The following ATP12A variants were observed in gnomAD, a reference collection of about 807,000 sequenced individuals.
ATP12A encodes ATPase H+/K+ transporting non-gastric alpha2 subunit.
In ATP12A, 81 loss-of-function variants were observed where a neutral mutation model predicts 111.2. The ratio of observed to expected loss-of-function variants is 0.73; its 90% CI spans 0.61 to 0.88. ATP12A has a LOEUF of 0.88. Ranked by LOEUF, ATP12A falls within the 40% of genes least tolerant of loss-of-function variation. ATP12A has a pLI of 0.00. For missense variants in ATP12A, 1,196 were observed against 1,313.1 expected (o/e 0.91, Z 1.38); for synonymous variants, 498 against 499.8 (o/e 1.00, Z 0.05).
At chr13:24,701,846 C>T in intron 13 of ATP12A, 89 bp from the exon 14 acceptor site, 2 of 1,533,164 alleles carry the variant, frequency 1.3e-6, no homozygotes, top group Non-Finnish European at 1.8e-6. Flanking sequence ...TCTCCCAGGG[C>T]ACTACAGAGT....
intron 14 of ATP12A, among the ~76,000 whole-genome samples, chr13:24,702,805 T>C (rs1170467490): frequency 6.6e-6 from 1 of 152,192 alleles, no homozygotes; most frequent in Non-Finnish European, 1.5e-5. Flanking sequence ...AACAATGATG[T>C]GGCCAGTGTA....
chr13:24,690,704 C>T lies in ATP12A; in HGVS notation c.782C>T (p.Ser261Phe), dbSNP rs779271764. 1.2e-6 allele frequency: 2 copies of T among 1,613,624 alleles called. No homozygotes were observed. Among genetic ancestry groups the T allele is most frequent in the South Asian group, 1.1e-5 (1 of 91,010 alleles). The change falls in exon 7 of 23, where the codon TCC becomes TTC. Residue 261 changes from serine to phenylalanine, a missense_variant. By Grantham distance (155) the Ser-to-Phe change is radical. This residue lies in a region of ATP12A where 1,126 missense variants were observed against 1,228.5 expected (regional missense o/e 0.92). Coordinates refer to ENST00000381946, the MANE Select transcript of ATP12A (RefSeq NM_001676.7). ...PLETKNICFYSTTCLEGTVTG... is the reference protein window; with the variant it reads ...PLETKNICFYFTTCLEGTVTG... ...GAAACAAAGAACATCTGCTTCTATTCCACAACGTGTCTGGAAGGTAAAAGG... is the reference window on the plus strand; with the variant it reads ...GAAACAAAGAACATCTGCTTCTATTTCACAACGTGTCTGGAAGGTAAAAGG...
intron 5 of ATP12A, among the ~76,000 whole-genome samples, chr13:24,690,110 G>C (rs759710761): frequency 6.6e-6 from 1 of 152,068 alleles, no homozygotes; most frequent in Non-Finnish European, 1.5e-5. Flanking sequence ...TTCAGGCCTC[G>C]GGTGAAGCAG....
chr13:24,694,083 C>T (rs1335784715), intron 10 of ATP12A, among the ~76,000 whole-genome samples: 2 of 152,192 alleles, frequency 1.3e-5, no homozygotes, highest in East Asian at 3.8e-4. Context: ...TCCGCTTGTA[C>T]CTTGAACACT....
At chr13:24,707,228 G>A in intron 16 of ATP12A, 37 bp downstream of exon 16, 1 of 1,613,632 alleles carries the variant, frequency 6.2e-7, no homozygotes, top group Non-Finnish European at 8.5e-7. Flanking sequence ...AAGGGCCAGG[G>A]TGGTCTGGGG....
intron 14 of ATP12A, among the ~76,000 whole-genome samples, chr13:24,705,247 G>A (rs961847843): frequency 2.0e-5 from 3 of 152,214 alleles, no homozygotes; most frequent in African/African-American, 4.8e-5. Context: ...GTCAGGGAGC[G>A]AGACCCGTGA....
At chr13:24,684,624 A>T (rs1874602406) in intron 2 of ATP12A, among the ~76,000 whole-genome samples, 1 of 152,212 alleles carries the variant, frequency 6.6e-6, no homozygotes, top group Non-Finnish European at 1.5e-5. Context: ...TGGTTACCAC[A>T]ACTGAGGGGA....
At chr13:24,706,947 G>C in intron 15 of ATP12A, 76 bp from the exon 16 acceptor site, 1 of 1,465,170 alleles carries the variant, frequency 6.8e-7, no homozygotes, top group Non-Finnish European at 9.2e-7. Flanking sequence ...AGAAAGGGAA[G>C]TCTTGTTGCT....
At position 24,681,555 on chromosome 13, in the gene ATP12A, C is replaced by T. The variant is rs751221576; in HGVS notation, c.10-7C>T. ...GGGCCAATATTGCACCTGGGCTTCT[C>T]TTTCAGAAAACCCCAGAAATTTACT... On this transcript the variant is annotated splice_region_variant and splice_polypyrimidine_tract_variant and intron_variant, in intron 1 of 22. Coordinates refer to ENST00000381946, the MANE Select transcript of ATP12A (RefSeq NM_001676.7). 1.2e-6 allele frequency: 2 copies of T among 1,608,870 alleles called. No homozygotes were observed. The highest frequency in any genetic ancestry group is 1.7e-6 in the Non-Finnish European group (2 of 1,178,690).
At chr13:24,682,129 G>A (rs1416025145) in intron 2 of ATP12A, among the ~76,000 whole-genome samples, 2 of 130,248 alleles carry the variant, frequency 1.5e-5, no homozygotes, top group Admixed American at 7.7e-5. Flanking sequence ...GTGTGTGTGT[G>A]TGGTGTGTAT....
At chr13:24,705,874 A>G (rs1875608432) in intron 14 of ATP12A, among the ~76,000 whole-genome samples, 1 of 152,002 alleles carries the variant, frequency 6.6e-6, no homozygotes, top group Non-Finnish European at 1.5e-5. Context: ...GGCTCTCACT[A>G]TGTTGCCCAG....
chr13:24,689,804 A>G (rs960152478), intron 5 of ATP12A, among the ~76,000 whole-genome samples: 23 of 152,098 alleles, frequency 1.5e-4, no homozygotes, highest in African/African-American at 4.8e-4. Flanking sequence ...TCAGGTGTCC[A>G]CACTGTCTCT....
Position 24,710,844 on chromosome 13 carries a change from C to T in ATP12A, c.2950C>T (p.Leu984Phe), listed in dbSNP as rs1396788431. 1.2e-6 allele frequency: 2 copies of T among 1,614,192 alleles called. No homozygotes were observed. The highest frequency in any genetic ancestry group is 1.7e-6 in the Non-Finnish European group (2 of 1,180,038). ...CTCACAGATCATCATTGGTCTGATC[C>T]TCTCCTATGGCCTCGGAAGTGTCAC... Reference protein sequence around the residue: ...ITSQIIIGLILSYGLGSVTAL... With the variant: ...ITSQIIIGLIFSYGLGSVTAL... Residue 984 changes from leucine (L) to phenylalanine (F), a missense_variant, in exon 21 of 23, where the codon CTC becomes TTC. Physicochemically the swap from Leu to Phe is conservative, Grantham distance 22 (BLOSUM62 0). Transcript: ENST00000381946.
intron 2 of ATP12A, among the ~76,000 whole-genome samples, chr13:24,682,628 G>A (rs1378419503): frequency 6.6e-6 from 1 of 152,188 alleles, no homozygotes; most frequent in East Asian, 1.9e-4. Flanking sequence ...ATTTGAGCTG[G>A]AACTTCTGAG....
chr13:24,684,691 G>A (rs1411748715), intron 2 of ATP12A, among the ~76,000 whole-genome samples: 1 of 152,242 alleles, frequency 6.6e-6, no homozygotes, highest in African/African-American at 2.4e-5. Flanking sequence ...TGGCAGCAGG[G>A]CCACGGGTGA....
rs41288280 is a variant in ATP12A at position 24,698,695 on chromosome 13, G to C, written c.1550G>C (p.Arg517Pro). 4 of 1,613,768 alleles carry C rather than the reference G, an allele frequency of 2.5e-6. No individual in the cohort carries two copies. The highest frequency in any genetic ancestry group is 3.4e-6 in the Non-Finnish European group (4 of 1,179,996). ...GAGATGGATGACCCCCACGGCAAGC[G>C]CTTCCTCATGGTGATGAAGGGGGCC... ...IHEMDDPHGK[R>P]FLMVMKGAPE... The change falls in exon 12 of 23, where the codon CGC (arginine) becomes CCC (proline). Residue 517 changes from arginine to proline, a missense_variant. Physicochemically the swap from Arg to Pro is moderately radical, Grantham distance 103. Coordinates refer to ENST00000381946, the MANE Select transcript of ATP12A (RefSeq NM_001676.7).
intron 7 of ATP12A, 95 bp from the exon 8 acceptor site, chr13:24,690,887 T>C: frequency 6.5e-7 from 1 of 1,531,220 alleles, no homozygotes; most frequent in Non-Finnish European, 8.9e-7. Flanking sequence ...GTGGTGTGCC[T>C]ATCGATTGTG....
At chr13:24,700,969 T>C (rs537559219) in intron 13 of ATP12A, 47 bp downstream of exon 13, 3 of 1,591,540 alleles carry the variant, frequency 1.9e-6, no homozygotes, top group African/African-American at 1.3e-5. Flanking sequence ...TTATGTCGTG[T>C]TCCTTTCTAA....
At chr13:24,706,687 GC>G (rs763515454) in intron 15 of ATP12A, among the ~76,000 whole-genome samples, 3 of 152,218 alleles carry the variant, frequency 2.0e-5, no homozygotes, top group Non-Finnish European at 4.4e-5. Flanking sequence ...CCAGCTCTCT[GC>G]ATTTTGTCAT....
Sources: allele counts gnomAD v4.1 joint callset (sites outside exome capture counted in the v4.1 genomes callset), GRCh38; gene constraint gnomAD v4.1.1; regional missense constraint gnomAD v4.1.1; transcripts MANE v1.5; gene names NCBI Gene and HGNC (gene_info 2026-07-23, HGNC 2026-07-21).